The following SLC25A12 variants were observed in gnomAD, a reference collection of about 807,000 sequenced individuals.
SLC25A12 encodes solute carrier family 25 member 12, also known as electrogenic aspartate/glutamate antiporter SLC25A12, mitochondrial.
SLC25A12 carries 32 observed loss-of-function variants against 83.3 expected under a neutral mutation model. The observed-to-expected ratio is 0.38, with a 90% CI of 0.29 to 0.52. SLC25A12 has a LOEUF of 0.52. SLC25A12 is among the 20% of genes least tolerant of loss of function. The pLI is 0.84. For missense variants in SLC25A12, 611 were observed against 835.6 expected, an observed-to-expected ratio of 0.73 and a Z score of 3.31; for synonymous variants, 267 against 291.1, an observed-to-expected ratio of 0.92 and a Z score of 0.84.
intron 13 of SLC25A12, among the ~76,000 whole-genome samples, chr2:171,807,948 CCT>C (rs148686324): frequency 3.7e-4 from 55 of 149,280 alleles, no homozygotes; most frequent in Non-Finnish European, 3.7e-4. Flanking sequence ...TCTGGAGCAA[CCT>C]CTCTCTCTCT....
In SLC25A12 at chr2:171,854,430, G is replaced by A. The variant is rs528795502; in HGVS notation, c.325+1404C>T. 3.3e-5 allele frequency among the ~76,000 whole-genome samples: 5 copies of A among 152,276 alleles called. No homozygotes were observed. The South Asian group carries it at 1.0e-3, about 32-fold the overall frequency. ...AAGAATACAAAAATTAGCTGGGCATGGTGGCGCATGCCTGTAATCCCAGCT... is the reference window on the plus strand; with the variant it reads ...AAGAATACAAAAATTAGCTGGGCATAGTGGCGCATGCCTGTAATCCCAGCT... On this transcript the variant is annotated intron_variant, in intron 4 of 17. Coordinates refer to ENST00000422440, the MANE Select transcript of SLC25A12 (RefSeq NM_003705.5).
At chr2:171,882,881 T>C (rs1685725599) in intron 2 of SLC25A12, among the ~76,000 whole-genome samples, 1 of 152,206 alleles carries the variant, frequency 6.6e-6, no homozygotes, top group East Asian at 1.9e-4. Flanking sequence ...AGCCTATGGC[T>C]GGACCGTTAT....
chr2:171,789,968 G>A (rs1683406121), intron 15 of SLC25A12, among the ~76,000 whole-genome samples: 1 of 152,046 alleles, frequency 6.6e-6, no homozygotes, highest in East Asian at 1.9e-4. Flanking sequence ...CCAAGACTGA[G>A]CAGGTAACTT....
intron 2 of SLC25A12, among the ~76,000 whole-genome samples, chr2:171,885,642 A>C (rs1014641081): frequency 6.6e-6 from 1 of 151,460 alleles, no homozygotes; most frequent in Non-Finnish European, 1.5e-5. Flanking sequence ...ACTGCACTCC[A>C]GTCTGGGTAA....
intron 3 of SLC25A12, among the ~76,000 whole-genome samples, chr2:171,859,635 A>T (rs567312733): frequency 6.6e-6 from 1 of 152,372 alleles, no homozygotes; most frequent in South Asian, 2.1e-4. Flanking sequence ...TAGCTAAAAT[A>T]GTAGCAATAA....
chr2:171,818,839 G>A (rs948566791), intron 9 of SLC25A12, among the ~76,000 whole-genome samples: 1 of 151,772 alleles, frequency 6.6e-6, no homozygotes, highest in Non-Finnish European at 1.5e-5. Flanking sequence ...TTAATGGGTA[G>A]AATAAAAGGG....
chr2:171,872,735 C>T (rs778454193), intron 2 of SLC25A12, among the ~76,000 whole-genome samples: 12 of 152,032 alleles, frequency 7.9e-5, no homozygotes, highest in Non-Finnish European at 1.5e-4. Context: ...TTGGAATGGA[C>T]CTTAAAAGTT....
chr2:171,844,632 A>G (rs1684752340), intron 4 of SLC25A12, 124 bp from the exon 5 acceptor site: 2 of 679,364 alleles, frequency 2.9e-6, no homozygotes, highest in Admixed American at 2.8e-5. Context: ...TTCTATTAAA[A>G]TAACTGCAAT....
intron 5 of SLC25A12, 129 bp from the exon 6 acceptor site, chr2:171,837,396 T>A: frequency 1.0e-6 from 1 of 970,650 alleles, no homozygotes; most frequent in South Asian, 1.4e-5. Context: ...TGCACAGATC[T>A]GAATTTGCAA....
chr2:171,853,426 A>AC (rs57379924), intron 4 of SLC25A12, among the ~76,000 whole-genome samples: 116,943 of 151,956 alleles, frequency 0.77, 46,065 homozygotes, highest in East Asian at 0.89. Context: ...CTGTAATCTC[A>AC]GCACTTTGGG....
intron 2 of SLC25A12, among the ~76,000 whole-genome samples, chr2:171,885,781 T>C (rs1436424286): frequency 2.6e-5 from 4 of 152,338 alleles, no homozygotes; most frequent in African/African-American, 9.6e-5. Context: ...AATAAAACTA[T>C]AGATCCTTTT....
rs537037535 is a variant in SLC25A12, at chr2:171,809,443, A to G, written c.1305+163T>C. 7.3e-6 allele frequency: 5 copies of G among 682,138 alleles called. No individual in the cohort carries two copies. The South Asian group carries it at 8.6e-5, about 12-fold the overall frequency. The allele number at this position is 682,138 out of a possible 1,614,324, so 42.3% of individuals were successfully genotyped here. A position where few individuals can be genotyped will look rare whatever the true frequency, so the allele number is the denominator to read the frequency against. On this transcript the variant is annotated intron_variant, in intron 13 of 17. Coordinates refer to ENST00000422440, the MANE Select transcript of SLC25A12 (RefSeq NM_003705.5). ...CTCTTTTCTACACTCAAAACCCGTT[A>G]GCTTTTACAATAAAATTTAAAACTT...
intron 2 of SLC25A12, 151 bp downstream of exon 2, chr2:171,893,054 T>C (rs1685978655): frequency 1.7e-6 from 1 of 597,416 alleles, no homozygotes; most frequent in Non-Finnish European, 2.9e-6. Context: ...AAATCAAACC[T>C]TATTAAGAGA....
chr2:171,793,717 A>G lies in SLC25A12; in HGVS notation c.1356T>C (p.Ile452=), dbSNP rs756970513. ...IFTNPLEIVK[I]RLQVAGEITT... ...TGATCTCTCCAGCTACTTGCAGACGAATCTTCACTATCTCCAATGGGTTGG... is the reference window on the plus strand; with the variant it reads ...TGATCTCTCCAGCTACTTGCAGACGGATCTTCACTATCTCCAATGGGTTGG... The change falls in exon 14 of 18, where the codon ATT becomes ATC. Residue 452 remains isoleucine, a synonymous_variant. Transcript: ENST00000422440. The G allele has an allele frequency of 1.9e-6, 3 of 1,614,190 alleles. No individual in the cohort carries two copies. In the South Asian group the frequency reaches 3.3e-5, roughly 18 times the overall value.
At chr2:171,870,464 T>A (rs200574378) in intron 2 of SLC25A12, among the ~76,000 whole-genome samples, 1 of 151,340 alleles carries the variant, frequency 6.6e-6, no homozygotes, top group Non-Finnish European at 1.5e-5. Context: ...TCTACAAAAA[T>A]ACACAAATTA....
chr2:171,834,095 T>C, intron 7 of SLC25A12, 39 bp from the exon 8 acceptor site: 1 of 1,137,506 alleles, frequency 8.8e-7, no homozygotes, highest in South Asian at 1.2e-5. Context: ...CTTGAATGAT[T>C]CTTAATATAT....
At chr2:171,855,758 T>C in intron 4 of SLC25A12, 76 bp downstream of exon 4, 1 of 855,186 alleles carries the variant, frequency 1.2e-6, no homozygotes, top group Non-Finnish European at 2.1e-6. Flanking sequence ...GTAATCTATA[T>C]TAGTTACTAG....
At chr2:171,831,081 T>C (rs1437702614) in intron 8 of SLC25A12, among the ~76,000 whole-genome samples, 1 of 152,238 alleles carries the variant, frequency 6.6e-6, no homozygotes, top group Non-Finnish European at 1.5e-5. Flanking sequence ...TGAACGTGAA[T>C]TTTTAAACTG....
chr2:171,819,397 TA>T (rs1446338576), intron 9 of SLC25A12, among the ~76,000 whole-genome samples: 19 of 77,596 alleles, frequency 2.4e-4, no homozygotes, highest in South Asian at 9.4e-4. Flanking sequence ...ATATATTATA[TA>T]ATTATATAAG....
Sources: allele counts gnomAD v4.1 joint callset (sites outside exome capture counted in the v4.1 genomes callset), GRCh38; gene constraint gnomAD v4.1.1; transcripts MANE v1.5; gene names NCBI Gene and HGNC (gene_info 2026-07-23, HGNC 2026-07-21).